Variants in HDAC8 observed in about 807,000 individuals in gnomAD.
HDAC8 encodes histone deacetylase-like 1.
Under a neutral mutation model 32.2 loss-of-function variants are expected in HDAC8, and 1 was observed. The observed-to-expected ratio is 0.03, with a 90% confidence interval of 0.01 to 0.15. The LOEUF (loss-of-function observed/expected upper bound fraction) is 0.15, where lower values mean the gene tolerates loss of function less well. Among genes scored for constraint, HDAC8 ranks in the 10% least tolerant of loss-of-function variants. The pLI is 1.00. For synonymous variants in HDAC8, 108 were observed against 113.9 expected (o/e 0.95, Z 0.33); for missense variants, 117 against 300.0 (o/e 0.39, Z 4.51).
intron 4 of HDAC8, among the ~76,000 whole-genome samples, chrX:72,560,825 AC>A (rs2051533534): frequency 9.1e-6 from 1 of 109,788 alleles, no homozygotes; most frequent in Admixed American, 9.7e-5. Flanking sequence ...GTTTTTTAAT[AC>A]ACTTATGTGG....
chrX:72,417,657 G>A (rs2046382074), intron 9 of HDAC8, among the ~76,000 whole-genome samples: 1 of 111,741 alleles, frequency 8.9e-6, no homozygotes, highest in African/African-American at 3.2e-5. Context: ...GCAATTTACT[G>A]TTTCAATGCT....
chrX:72,351,599 G>A (rs2044181834), intron 10 of HDAC8, 134 bp downstream of exon 10: 1 of 467,659 alleles, frequency 2.1e-6, no homozygotes, highest in Non-Finnish European at 3.7e-6. Context: ...GTCAGGCCAA[G>A]AAGAGGTTTC....
In HDAC8 at chrX:72,477,616, G is replaced by T. The variant is rs142577567; in HGVS notation, c.737+11317C>A. On this transcript the variant is annotated intron_variant, in intron 7 of 10. Transcript: ENST00000373573. ...GATGATTGGAAATCTCTGCAATGCC[G>T]TCATACAATGAGGTGTGCAAGAAAG... 6.1e-3 allele frequency among the ~76,000 whole-genome samples: 689 copies of T among 112,288 alleles called. 4 individuals are homozygous for T. The highest frequency in any genetic ancestry group is 0.022 in the African/African-American group (670 of 30,880).
chrX:72,537,344 G>GTAAAAAATATGAAACT (rs2050564384), intron 4 of HDAC8, among the ~76,000 whole-genome samples: 1 of 111,930 alleles, frequency 8.9e-6, no homozygotes, highest in African/African-American at 3.2e-5. Context: ...TACCTGAACA[G>GTAAAAAATATGAAACT]TTCTAAAAGT....
chrX:72,447,999 G>A lies in HDAC8; in HGVS notation c.1005+14005C>T, dbSNP rs1390005585. Among the ~76,000 whole-genome samples, 3 of 112,000 alleles carry A rather than the reference G, an allele frequency of 2.7e-5. No homozygotes were observed. In the East Asian group the frequency reaches 8.4e-4, roughly 31 times the overall value. On this transcript the variant is annotated intron_variant, in intron 9 of 10. Coordinates refer to ENST00000373573, the MANE Select transcript of HDAC8 (RefSeq NM_018486.3). ...AGGAAGGATCAATATTGTGAAAATG[G>A]CCATACTGCCCAAAGTAATTTATAG...
At chrX:72,572,159 T>C (rs1556160892) in intron 1 of HDAC8, 50 bp from the exon 2 acceptor site, 2 of 1,097,424 alleles carry the variant, frequency 1.8e-6, no homozygotes, top group South Asian at 4.2e-5. Context: ...AATAGTCTCT[T>C]TAAAGTTTAA....
chrX:72,393,214 T>C (rs1473439687), intron 9 of HDAC8, among the ~76,000 whole-genome samples: 2 of 111,870 alleles, frequency 1.8e-5, no homozygotes, highest in Non-Finnish European at 3.8e-5. Flanking sequence ...AATCCTCTTC[T>C]GCCTCTGTTA....
chrX:72,502,793 G>A (rs2049267388), intron 4 of HDAC8, among the ~76,000 whole-genome samples: 1 of 110,021 alleles, frequency 9.1e-6, no homozygotes, highest in Non-Finnish European at 1.9e-5. Flanking sequence ...AGGCGTGGTG[G>A]CATGCACCTG....
chrX:72,516,951 T>G (rs1297961137), intron 4 of HDAC8, among the ~76,000 whole-genome samples: 2 of 112,188 alleles, frequency 1.8e-5, no homozygotes, highest in African/African-American at 6.5e-5. Context: ...CTCAGAAGCT[T>G]CTAATGGATA....
intron 10 of HDAC8, among the ~76,000 whole-genome samples, chrX:72,342,933 G>A (rs1165434291): frequency 1.8e-5 from 2 of 110,928 alleles, no homozygotes; most frequent in African/African-American, 6.6e-5. Context: ...GCTTCCTAAA[G>A]TTCTATACTG....
At chrX:72,374,828 G>A (rs1403289506) in intron 9 of HDAC8, among the ~76,000 whole-genome samples, 3 of 94,198 alleles carry the variant, frequency 3.2e-5, no homozygotes, top group Non-Finnish European at 6.2e-5. Context: ...TTTTTTTGGA[G>A]ACAGGGTCTC....
chrX:72,458,605 A>C (rs1303257372), intron 9 of HDAC8, among the ~76,000 whole-genome samples: 1 of 111,765 alleles, frequency 8.9e-6, no homozygotes, highest in Non-Finnish European at 1.9e-5. Flanking sequence ...TCCCAATATG[A>C]ATATTGAGAC....
chrX:72,453,514 AAG>A (rs781840719), intron 9 of HDAC8, among the ~76,000 whole-genome samples: 1 of 110,346 alleles, frequency 9.1e-6, no homozygotes. Context: ...GAAAGAAAGA[AAG>A]AAAGAAAAAG....
intron 9 of HDAC8, among the ~76,000 whole-genome samples, chrX:72,352,166 C>T (rs1391349505): frequency 8.9e-6 from 1 of 111,798 alleles, no homozygotes; most frequent in Non-Finnish European, 1.9e-5. Flanking sequence ...TTCCAAATCA[C>T]ACCGTGCTTT....
chrX:72,553,075 C>T (rs1483956891), intron 4 of HDAC8, among the ~76,000 whole-genome samples: 4 of 110,814 alleles, frequency 3.6e-5, no homozygotes, highest in Middle Eastern at 9.4e-3. Context: ...GATGGCATCT[C>T]CCTCTGTCGC....
intron 9 of HDAC8, among the ~76,000 whole-genome samples, chrX:72,431,826 ATACT>A (rs1379767321): frequency 1.2e-4 from 13 of 111,952 alleles, no homozygotes; most frequent in African/African-American, 4.2e-4. Flanking sequence ...ATATTAGCTA[ATACT>A]TACTAAGCAT....
At chrX:72,425,475 T>C (rs2046613387) in intron 9 of HDAC8, among the ~76,000 whole-genome samples, 1 of 111,986 alleles carries the variant, frequency 8.9e-6, no homozygotes, top group Non-Finnish European at 1.9e-5. Flanking sequence ...GTATGTTCCA[T>C]GGGTGCTTTA....
intron 2 of HDAC8, 143 bp downstream of exon 2, chrX:72,571,914 A>G: frequency 2.1e-6 from 1 of 487,124 alleles, no homozygotes; most frequent in Non-Finnish European, 3.3e-6. Flanking sequence ...GATTACAGGC[A>G]GATTACAAAC....
intron 9 of HDAC8, among the ~76,000 whole-genome samples, chrX:72,403,099 C>T (rs1355740110): frequency 9.0e-6 from 1 of 111,613 alleles, no homozygotes; most frequent in Non-Finnish European, 1.9e-5. Context: ...AAAAAAATCT[C>T]ATCTGACAAT....
Sources: gnomAD v4.1 joint callset for allele counts (sites outside exome capture counted in the v4.1 genomes callset) on GRCh38, gnomAD v4.1.1 for gene constraint, MANE v1.5 for transcripts, NCBI Gene and HGNC (gene_info 2026-07-23, HGNC 2026-07-21) for gene names.